CLVS1: variants seen among roughly 807,000 people sequenced by gnomAD.
CLVS1 encodes the protein clavesin 1, also known as clavesin-1.
CLVS1 carries 10 observed loss-of-function variants against 33.1 expected under a neutral mutation model. The ratio of observed to expected loss-of-function variants is 0.30; its 90% confidence interval spans 0.19 to 0.51. The LOEUF (loss-of-function observed/expected upper bound fraction) is 0.51, where lower values mean the gene tolerates loss of function less well. CLVS1 is among the 20% of genes least tolerant of loss of function. CLVS1 has a pLI of 0.97. For synonymous variants in CLVS1, 163 were observed against 166.1 expected (o/e 0.98, Z 0.14); for missense variants, 343 against 433.4 (o/e 0.79, Z 1.85).
At chr8:60,983,530 C>G in the CLVS1 span, among the ~76,000 whole-genome samples, 10 of 152,158 alleles carry the variant, frequency 6.6e-5, no homozygotes, top group Non-Finnish European at 1.2e-4. Flanking sequence ...ATCATCTGTC[C>G]TAGACACTAA....
intron 2 of CLVS1, among the ~76,000 whole-genome samples, chr8:61,363,490 T>C (rs938028953): frequency 2.0e-5 from 3 of 152,188 alleles, no homozygotes; most frequent in Non-Finnish European, 4.4e-5. Context: ...ATTCGGGATG[T>C]AATTAAGGAA....
intron 5 of CLVS1, among the ~76,000 whole-genome samples, chr8:61,482,184 A>G (rs925513949): frequency 4.6e-5 from 7 of 152,240 alleles, no homozygotes; most frequent in African/African-American, 1.7e-4. Context: ...ATCCACACCA[A>G]AACCCCATCT....
At chr8:61,169,646 T>C (rs1806953290) in intron 2 of CLVS1, among the ~76,000 whole-genome samples, 1 of 152,210 alleles carries the variant, frequency 6.6e-6, no homozygotes, top group Admixed American at 6.5e-5. Flanking sequence ...CCCAGGCCGT[T>C]GTCTGTTATT....
At chr8:61,033,167 A>AAGAAAAAGAT in the CLVS1 span, among the ~76,000 whole-genome samples, 1 of 147,468 alleles carries the variant, frequency 6.8e-6, no homozygotes, top group African/African-American at 2.5e-5. Flanking sequence ...AAGAAAAAGA[A>AAGAAAAAGAT]AGAAAGAAAG....
At chr8:61,338,044 C>T (rs1045929597) in intron 2 of CLVS1, among the ~76,000 whole-genome samples, 7 of 152,146 alleles carry the variant, frequency 4.6e-5, no homozygotes, top group Admixed American at 4.6e-4. Flanking sequence ...AGACTTGGCA[C>T]CCTGATATGG....
chr8:61,284,606 C>G (rs1168805731), upstream of CLVS1, among the ~76,000 whole-genome samples: 1 of 152,072 alleles, frequency 6.6e-6, no homozygotes, highest in Non-Finnish European at 1.5e-5. Flanking sequence ...TTACTTGCTG[C>G]TTTTGCAAGA....
chr8:61,242,025 A>G (rs1808707074), intron 2 of CLVS1, among the ~76,000 whole-genome samples: 1 of 135,998 alleles, frequency 7.4e-6, no homozygotes, highest in Non-Finnish European at 1.5e-5. Flanking sequence ...TTGAATTGTT[A>G]TTTCCCTGTA....
rs1804514891 is a variant in CLVS1, at chr8:61,499,973, T to C, written c.*431T>C. On this transcript the variant is annotated 3_prime_UTR_variant, in exon 6 of 6. Coordinates refer to ENST00000325897, the MANE Select transcript of CLVS1 (RefSeq NM_173519.3). ...GAGTTAAACTGTACAGACACCACTGTCAAGTTTCATGTAGTACAAAGCCCT... is the reference window on the plus strand; with the variant it reads ...GAGTTAAACTGTACAGACACCACTGCCAAGTTTCATGTAGTACAAAGCCCT... The C allele has an allele frequency of 6.3e-6, 1 of 157,958 alleles. No homozygotes were observed. The highest frequency in any genetic ancestry group is 1.4e-5 in the Non-Finnish European group (1 of 70,822). 9.8% of individuals were successfully genotyped at this position (157,958 alleles called of 1,614,324 possible).
At chr8:61,373,659 G>T (rs893755369) in intron 2 of CLVS1, among the ~76,000 whole-genome samples, 1 of 152,176 alleles carries the variant, frequency 6.6e-6, no homozygotes, top group Non-Finnish European at 1.5e-5. Context: ...ACCCCCAAAA[G>T]AGTATTTGCT....
At chr8:61,213,965 G>A (rs1478974509) in intron 2 of CLVS1, among the ~76,000 whole-genome samples, 2 of 152,086 alleles carry the variant, frequency 1.3e-5, no homozygotes, top group African/African-American at 2.4e-5. Flanking sequence ...GGAGATATAG[G>A]CCTATAAATG....
chr8:61,314,432 G>T (rs1182754729), intron 2 of CLVS1, among the ~76,000 whole-genome samples: 1 of 152,106 alleles, frequency 6.6e-6, no homozygotes, highest in Non-Finnish European at 1.5e-5. Context: ...AGTCGTTGAG[G>T]TCTACATTTT....
At chr8:61,150,268 T>C in intron 2 of CLVS1, among the ~76,000 whole-genome samples, 2 of 152,286 alleles carry the variant, frequency 1.3e-5, no homozygotes, top group Admixed American at 6.5e-5. Context: ...GCCTCACTTC[T>C]GGTCCAGCAG....
intron 2 of CLVS1, among the ~76,000 whole-genome samples, chr8:61,196,226 C>T (rs1391797526): frequency 6.6e-6 from 1 of 152,162 alleles, no homozygotes; most frequent in African/African-American, 2.4e-5. Context: ...TAGAATTTCT[C>T]TTCTATTAAA....
the CLVS1 span, among the ~76,000 whole-genome samples, chr8:61,031,410 C>T: frequency 6.6e-6 from 1 of 152,208 alleles, no homozygotes; most frequent in East Asian, 1.9e-4. Context: ...AGCTAACCTG[C>T]CTCCGTTCCC....
intron 1 of CLVS1, among the ~76,000 whole-genome samples, chr8:61,073,210 A>C (rs1585588840): frequency 6.6e-6 from 1 of 152,336 alleles, no homozygotes; most frequent in African/African-American, 2.4e-5. Context: ...TCAGAAAAAA[A>C]AATTACAATC....
rs555861055 is a variant in CLVS1, at chr8:61,260,800, C to A, written c.-151-38877C>A. Among the ~76,000 whole-genome samples, 40 of 152,298 alleles carry A rather than the reference C, an allele frequency of 2.6e-4. No individual in the cohort carries two copies. The South Asian group carries it at 7.5e-3, about 28-fold the overall frequency. ...ATAAGGGTCAGCTCCCCAGAGGAAA[C>A]AAGGAAGCAGCCTGATCCAGAAAGT... On this transcript the variant is annotated intron_variant, in intron 2 of 2. Transcript: ENST00000522621.
At chr8:60,998,363 C>T in the CLVS1 span, among the ~76,000 whole-genome samples, 2 of 152,128 alleles carry the variant, frequency 1.3e-5, no homozygotes, top group East Asian at 1.9e-4. Context: ...CTTATTTGAC[C>T]TTGATTCCAC....
At chr8:60,993,762 A>G in the CLVS1 span, among the ~76,000 whole-genome samples, 125 of 152,178 alleles carry the variant, frequency 8.2e-4, no homozygotes, top group African/African-American at 2.9e-3. Context: ...TAGAGCTACC[A>G]TCGGGTGGCA....
chr8:61,008,201 T>G, the CLVS1 span, among the ~76,000 whole-genome samples: 4 of 151,490 alleles, frequency 2.6e-5, no homozygotes, highest in Non-Finnish European at 5.9e-5. Context: ...GCGCAATTAC[T>G]TTGTTACAGT....
Sources: allele counts gnomAD v4.1 joint callset (sites outside exome capture counted in the v4.1 genomes callset), GRCh38; gene constraint gnomAD v4.1.1; transcripts MANE v1.5; gene names NCBI Gene and HGNC (gene_info 2026-07-23, HGNC 2026-07-21).